Variants in CD5 observed in about 807,000 individuals in gnomAD.
CD5 encodes the protein CD5 molecule.
CD5 carries 36 observed loss-of-function variants against 60.3 expected under a neutral mutation model. That is an observed-to-expected ratio of 0.60 (90% CI 0.46 to 0.79). The LOEUF is 0.79. Among genes scored for constraint, CD5 ranks in the 30% least tolerant of loss-of-function variants. CD5 has a pLI of 0.00. For missense variants in CD5, 540 were observed against 630.6 expected (o/e 0.86, Z 1.54); for synonymous variants, 230 against 257.6 (o/e 0.89, Z 1.03).
rs1356862042 is a variant in CD5, at chr11:61,125,832, G to A, written c.1481G>A (p.Arg494Lys). The change falls in exon 10 of 11, where the codon AGG (arginine) becomes AAG (lysine). Residue 494 changes from arginine (R) to lysine (K), a missense_variant. By Grantham distance (26) the Arg-to-Lys change is conservative (BLOSUM62 2). Transcript: ENST00000347785. Reference protein sequence around the residue: ...DSDYDLHGAQRL With the variant: ...DSDYDLHGAQKL ...GACTATGATCTGCATGGGGCTCAGA[G>A]GCTGTAAAGGTGAGCCCGTCTCCAG... is the stretch of plus-strand genomic sequence containing the variant. 11 of 1,606,660 alleles carry A rather than the reference G, an allele frequency of 6.8e-6. No homozygotes were observed. Among genetic ancestry groups the A allele is most frequent in the Non-Finnish European group, 9.4e-6 (11 of 1,175,316 alleles).
chr11:61,112,634 ACT>A (rs904334522), intron 1 of CD5, among the ~76,000 whole-genome samples: 10 of 137,754 alleles, frequency 7.3e-5, no homozygotes, highest in Admixed American at 1.6e-4. Context: ...AGAGAGGAAG[ACT>A]CTGTTTCAAA....
At chr11:61,101,223 ATC>A (rs1860678210), upstream of CD5, among the ~76,000 whole-genome samples, 2 of 109,778 alleles carry the variant, frequency 1.8e-5, no homozygotes, top group African/African-American at 3.1e-5. Flanking sequence ...TCACACACAC[ATC>A]AACATGGAGA....
chr11:61,100,261 G>T (rs1479969197), upstream of CD5, among the ~76,000 whole-genome samples: 1 of 127,412 alleles, frequency 7.8e-6, no homozygotes, highest in Non-Finnish European at 1.6e-5. Context: ...TCAACATGGA[G>T]ATCACACACA....
At chr11:61,115,132 G>A (rs1485409658) in intron 2 of CD5, 38 bp downstream of exon 2, 1 of 1,537,588 alleles carries the variant, frequency 6.5e-7, no homozygotes, top group Non-Finnish European at 8.8e-7. Flanking sequence ...CTGGGGCAGG[G>A]GGAGAGTGGG....
upstream of CD5, among the ~76,000 whole-genome samples, chr11:61,100,050 ACACACACATCAACATGGAGATCACT>A (rs1184092861): frequency 4.0e-5 from 6 of 150,528 alleles, no homozygotes; most frequent in East Asian, 9.9e-4. Flanking sequence ...TGGAGATCAC[ACACACACATCAACATGGAGATCACT>A]CACACACATC....
chr11:61,119,909 G>A (rs1357484044), intron 5 of CD5, among the ~76,000 whole-genome samples: 3 of 152,190 alleles, frequency 2.0e-5, no homozygotes, highest in African/African-American at 7.2e-5. Context: ...AAATGTCTAG[G>A]TAGGAATTAT....
intron 1 of CD5, among the ~76,000 whole-genome samples, chr11:61,111,202 G>A (rs1422251624): frequency 6.6e-6 from 1 of 152,134 alleles, no homozygotes; most frequent in East Asian, 1.9e-4. Flanking sequence ...AGCGCTTCCA[G>A]GTCAGACCCA....
chr11:61,107,178 AGAT>A (rs1275483270), intron 1 of CD5, among the ~76,000 whole-genome samples: 3 of 152,314 alleles, frequency 2.0e-5, no homozygotes, highest in South Asian at 4.1e-4. Context: ...TCTCATGAGA[AGAT>A]GATATTTGAG....
At chr11:61,123,109 G>A in intron 7 of CD5, 77 bp downstream of exon 7, 1 of 1,468,920 alleles carries the variant, frequency 6.8e-7, no homozygotes, top group Non-Finnish European at 9.2e-7. Context: ...CTCCGGAGGA[G>A]GGGTCATGCC....
chr11:61,119,142 A>AG, intron 4 of CD5, 92 bp from the exon 5 acceptor site: 1 of 1,280,598 alleles, frequency 7.8e-7, no homozygotes, highest in Non-Finnish European at 1.1e-6. Context: ...GTTAGTCAGT[A>AG]GTTGTCCACA....
intron 7 of CD5, among the ~76,000 whole-genome samples, chr11:61,123,559 G>T (rs1401502592): frequency 1.3e-5 from 2 of 152,210 alleles, no homozygotes; most frequent in African/African-American, 4.8e-5. Flanking sequence ...ATTGGGAACA[G>T]AGGGCCCAGC....
intron 1 of CD5, among the ~76,000 whole-genome samples, chr11:61,112,477 C>T (rs1374003897): frequency 8.5e-5 from 13 of 152,224 alleles, no homozygotes; most frequent in African/African-American, 3.1e-4. Context: ...AACCTCATCT[C>T]TACTAAAAGT....
intron 2 of CD5, among the ~76,000 whole-genome samples, chr11:61,117,066 G>A (rs548177748): frequency 6.6e-6 from 1 of 152,342 alleles, no homozygotes; most frequent in Non-Finnish European, 1.5e-5. Context: ...TTCATAGTAG[G>A]CAAAACCCGG....
At chr11:61,125,899 G>A in intron 10 of CD5, 58 bp downstream of exon 10, 4 of 1,210,946 alleles carry the variant, frequency 3.3e-6, no homozygotes, top group Non-Finnish European at 4.6e-6. Context: ...TCCTGGGGGT[G>A]AGCAGCAGCC....
At chr11:61,103,550 G>A (rs891185069) in intron 1 of CD5, among the ~76,000 whole-genome samples, 2 of 152,136 alleles carry the variant, frequency 1.3e-5, no homozygotes, top group Admixed American at 6.5e-5. Context: ...GCATGTGTGT[G>A]TGTCTGTGTG....
At chr11:61,105,895 C>G (rs1292101616) in intron 1 of CD5, among the ~76,000 whole-genome samples, 1 of 152,070 alleles carries the variant, frequency 6.6e-6, no homozygotes, top group Admixed American at 6.5e-5. Flanking sequence ...GAGGCCAAGA[C>G]GGGTGGATCA....
chr11:61,110,890 G>A (rs1008477423), intron 1 of CD5, among the ~76,000 whole-genome samples: 3 of 152,120 alleles, frequency 2.0e-5, no homozygotes, highest in African/African-American at 4.8e-5. Context: ...TGATGGTGAC[G>A]GTGATGGTGA....
chr11:61,125,700 G>A (rs1181710892), intron 9 of CD5, 51 bp from the exon 10 acceptor site: 2 of 1,340,846 alleles, frequency 1.5e-6, no homozygotes, highest in African/African-American at 1.4e-5. Flanking sequence ...GGATCCAAGG[G>A]GCTCTGTGGA....
chr11:61,118,360 CCCTT>C lies in CD5; in HGVS notation c.285_288del (p.Phe95LeufsTer35), dbSNP rs1427358439. 1 of 1,614,218 alleles carries C rather than the reference CCCTT, an allele frequency of 6.2e-7. No individual in the cohort carries two copies. The highest frequency in any genetic ancestry group is 2.2e-5 in the East Asian group (1 of 44,882). On this transcript the variant is annotated frameshift_variant, in exon 3 of 11. Coordinates refer to ENST00000347785, the MANE Select transcript of CD5 (RefSeq NM_014207.4). LOFTEE classifies it high-confidence loss of function. The surrounding 1 kb of genome is among the most constrained non-coding windows in gnomAD (Gnocchi z 4.7). ...CTGTGGGGTGCCCTTAAGCCTTGGCCCCTTCCTTGTCACCTACACACCTCAGAGC... is the reference window on the plus strand; with the variant it reads ...CTGTGGGGTGCCCTTAAGCCTTGGCCCCTTGTCACCTACACACCTCAGAGC...
Sources: allele counts gnomAD v4.1 joint callset (sites outside exome capture counted in the v4.1 genomes callset), GRCh38; gene constraint gnomAD v4.1.1; non-coding constraint Gnocchi (gnomAD v3.1); transcripts MANE v1.5; gene names NCBI Gene and HGNC (gene_info 2026-07-23, HGNC 2026-07-21).